TLR7: variants seen among roughly 807,000 people sequenced by gnomAD.
TLR7 encodes the protein toll like receptor 7, also known as toll-like receptor 7.
In TLR7, 12 loss-of-function variants were observed where a neutral mutation model predicts 38.3. The observed-to-expected ratio is 0.31, with a 90% CI of 0.20 to 0.51. TLR7 has a LOEUF of 0.51. TLR7 is among the 20% of genes least tolerant of loss of function. TLR7 has a pLI of 0.98. For missense variants in TLR7, 504 were observed against 743.4 expected (o/e 0.68, Z 3.74); for synonymous variants, 285 against 293.8 (o/e 0.97, Z 0.31).
chrX:12,886,634 C>T lies in TLR7; in HGVS notation c.1126C>T (p.Arg376Trp), dbSNP rs748708984. 4.1e-6 allele frequency: 5 copies of T among 1,210,194 alleles called. No homozygotes were observed. Among genetic ancestry groups the T allele is most frequent in the Admixed American group, 4.4e-5 (2 of 45,763 alleles). ...FSSLKSLKILRIRGYVFKELK... is the reference protein window; with the variant it reads ...FSSLKSLKILWIRGYVFKELK... ...TTCACTGAAAAGCCTGAAAATTCTG[C>T]GGATCAGAGGATATGTCTTTAAAGA... Residue 376 changes from arginine (R) to tryptophan (W), a missense_variant, in exon 3 of 3, where the codon CGG becomes TGG. Arg to Trp is a moderately radical substitution (Grantham distance 101). Coordinates refer to ENST00000380659, the MANE Select transcript of TLR7 (RefSeq NM_016562.4).
At position 12,886,153 on chromosome X, in the gene TLR7, T is replaced by C. The variant is rs766268418; in HGVS notation, c.645T>C (p.Asn215=). 6.6e-6 allele frequency: 8 copies of C among 1,211,784 alleles called. No homozygotes were observed. The South Asian group carries it at 1.1e-4, about 16-fold the overall frequency. ...KLKVLSLKDN[N]VTAVPTVLPS... The stretch of plus-strand genomic sequence containing the variant: ...AAGTGCTCTCCCTGAAAGATAACAA[T>C]GTCACAGCCGTCCCTACTGTTTTGC... Residue 215 remains asparagine (N), a synonymous_variant, in exon 3 of 3, where the codon AAT becomes AAC. Coordinates refer to ENST00000380659, the MANE Select transcript of TLR7 (RefSeq NM_016562.4).
rs954429195 is a variant in TLR7 at position 12,889,932 on chromosome X, T to G, written c.*1274T>G. ...TGCCAATTATATGGATTCCTTTCAT[T>G]TTTTGCTGGAGGATGGGAGAAGAAA... On this transcript the variant is annotated 3_prime_UTR_variant, in exon 3 of 3. Transcript: ENST00000380659. 4 of 112,626 alleles carry G rather than the reference T, an allele frequency of 3.6e-5. No individual in the cohort carries two copies. The highest frequency in any genetic ancestry group is 1.3e-4 in the African/African-American group (4 of 30,969). 9.3% of individuals were successfully genotyped at this position (112,626 alleles called of 1,213,427 possible). A position where few individuals can be genotyped will look rare whatever the true frequency, so the allele number is the denominator to read the frequency against.
At chrX:12,867,227 CA>C in intron 1 of TLR7, 104 bp downstream of exon 1, 1 of 163,620 alleles carries the variant, frequency 6.1e-6, no homozygotes, top group Non-Finnish European at 1.2e-5. Flanking sequence ...ATCATATGCA[CA>C]AAAATTTTTT....
intron 2 of TLR7, chrX:12,877,388 G>C (rs1220298899): frequency 9.9e-6 from 1 of 101,449 alleles, no homozygotes; most frequent in African/African-American, 3.7e-5. Context: ...CTAATAAATA[G>C]TGAGTTCATT....
At position 12,887,056 on chromosome X, in the gene TLR7, T is replaced by G. The variant is rs1220824754; in HGVS notation, c.1548T>G (p.Leu516=). 8.3e-7 allele frequency: 1 copy of G among 1,211,167 alleles called. No homozygotes were observed. Among genetic ancestry groups the G allele is most frequent in the Non-Finnish European group, 1.1e-6 (1 of 895,276 alleles). The part of the protein sequence containing the change: ...FFVKSSDFQH[L]SFLKCLNLSG... ...TCAAGTCCTCTGATTTTCAGCATCT[T>G]TCTTTCCTCAAATGCCTGAATCTGT... Residue 516 remains leucine (L), a synonymous_variant, in exon 3 of 3, where the codon CTT becomes CTG. Coordinates refer to ENST00000380659, the MANE Select transcript of TLR7 (RefSeq NM_016562.4).
intron 2 of TLR7, among the ~76,000 whole-genome samples, chrX:12,879,518 T>A (rs750880082): frequency 2.7e-5 from 3 of 111,965 alleles, no homozygotes; most frequent in African/African-American, 9.7e-5. Context: ...TAAGGAAGGA[T>A]CTGGATGCTC....
Position 12,887,531 on chromosome X carries a change from C to T in TLR7, c.2023C>T (p.Pro675Ser). 8.3e-7 allele frequency: 1 copy of T among 1,211,491 alleles called. No homozygotes were observed. The highest frequency in any genetic ancestry group is 1.1e-6 in the Non-Finnish European group (1 of 895,405). The change falls in exon 3 of 3, where the codon CCA becomes TCA. Residue 675 changes from proline (P) to serine (S), a missense_variant. Pro to Ser is a moderately conservative substitution (Grantham distance 74). Transcript: ENST00000380659. ...TTCTGGAGTTTTTGATGGTATGCCT[C>T]CAAATCTAAAGAATCTCTCTTTGGC... The part of the protein sequence containing the change: ...LPSGVFDGMP[P>S]NLKNLSLAKN...
In TLR7 at chrX:12,888,180, AT is replaced by A. The variant is rs2147246210; in HGVS notation, c.2673del (p.Tyr891Ter). 1 of 1,210,220 alleles carries A rather than the reference AT, an allele frequency of 8.3e-7. No individual in the cohort carries two copies. Among genetic ancestry groups the A allele is most frequent in the African/African-American group, 1.7e-5 (1 of 57,222 alleles). On this transcript the variant is annotated frameshift_variant, in exon 3 of 3. Transcript: ENST00000380659. LOFTEE classifies it high-confidence loss of function. ...CGTCTAATATCACCAGACTGTTGCT[AT>A]GATGCTTTTATTGTGTATGACACTA... is the stretch of plus-strand genomic sequence containing the variant. ...YQRLISPDCC[Y>X]DAFIVYDTKD...
intron 2 of TLR7, among the ~76,000 whole-genome samples, chrX:12,876,778 T>C (rs1477419848): frequency 8.9e-6 from 1 of 112,297 alleles, no homozygotes; most frequent in Non-Finnish European, 1.9e-5. Flanking sequence ...ATAATTAGTT[T>C]GCTAATTGAG....
chrX:12,880,986 G>A (rs1190915858), intron 2 of TLR7, among the ~76,000 whole-genome samples: 1 of 110,267 alleles, frequency 9.1e-6, no homozygotes, highest in Non-Finnish European at 1.9e-5. Flanking sequence ...CAGCACTTTG[G>A]GAGGCCGAGG....
chrX:12,884,005 G>C (rs1438355298), intron 2 of TLR7, among the ~76,000 whole-genome samples: 2 of 110,823 alleles, frequency 1.8e-5, no homozygotes, highest in Non-Finnish European at 3.8e-5. Flanking sequence ...TTTGAGACAG[G>C]GTCTTGCTCT....
At chrX:12,885,458 T>C in intron 2 of TLR7, 54 bp from the exon 3 acceptor site, 1 of 1,060,885 alleles carries the variant, frequency 9.4e-7, no homozygotes, top group African/African-American at 1.9e-5. Flanking sequence ...GAATTTTTAA[T>C]TCTGATTCTT....
At position 12,885,582 on chromosome X, in the gene TLR7, T is replaced by C. The variant is rs1354435927; in HGVS notation, c.74T>C (p.Leu25Pro). 2.5e-6 allele frequency: 3 copies of C among 1,211,287 alleles called. No individual in the cohort carries two copies. Among genetic ancestry groups the C allele is most frequent in the Admixed American group, 2.2e-5 (1 of 46,046 alleles). ...AACATAATCCTAATTTCCAAACTCC[T>C]TGGGGCTAGATGGTTTCCTAAAACT... ...LFNIILISKL[L>P]GARWFPKTLP... The change falls in exon 3 of 3, where the codon CTT becomes CCT. Residue 25 changes from leucine (L) to proline (P), a missense_variant. Coordinates refer to ENST00000380659, the MANE Select transcript of TLR7 (RefSeq NM_016562.4).
At position 12,885,064 on chromosome X, in the gene TLR7, C is replaced by T. The variant is rs144427682; in HGVS notation, c.4-448C>T. On this transcript the variant is annotated intron_variant, in intron 2 of 2. Transcript: ENST00000380659. ...CTTAGAATATTCTGAGACTCAAATACTATGAAAGACTCATGTAATGTGTAC... is the reference window on the plus strand; with the variant it reads ...CTTAGAATATTCTGAGACTCAAATATTATGAAAGACTCATGTAATGTGTAC... Among the ~76,000 whole-genome samples the T allele has an allele frequency of 3.9e-3, 438 of 112,529 alleles. 1 individual carries two copies. The highest frequency in any genetic ancestry group is 0.013 in the African/African-American group (413 of 31,001).
At chrX:12,874,244 G>A (rs951332423) in intron 2 of TLR7, among the ~76,000 whole-genome samples, 1 of 110,967 alleles carries the variant, frequency 9.0e-6, no homozygotes, top group Non-Finnish European at 1.9e-5. Flanking sequence ...CACTTGAACC[G>A]GGTAGGCAGA....
At chrX:12,879,277 C>G (rs1235226589) in intron 2 of TLR7, among the ~76,000 whole-genome samples, 1 of 111,987 alleles carries the variant, frequency 8.9e-6, no homozygotes, top group Non-Finnish European at 1.9e-5. Context: ...TTTCCAGCCT[C>G]TGATATCTGA....
intron 2 of TLR7, among the ~76,000 whole-genome samples, chrX:12,878,095 G>T (rs975965854): frequency 3.6e-5 from 4 of 112,001 alleles, no homozygotes; most frequent in Non-Finnish European, 7.5e-5. Flanking sequence ...TAGCAGAGTG[G>T]CTAAGAGTGC....
At chrX:12,879,214 T>G (rs2042883188) in intron 2 of TLR7, among the ~76,000 whole-genome samples, 1 of 111,773 alleles carries the variant, frequency 8.9e-6, no homozygotes, top group Admixed American at 9.5e-5. Flanking sequence ...CAAGATAGCA[T>G]AGGTGACAGT....
rs766100837 is a variant in TLR7, at chrX:12,875,378, T to G, written c.3+7797T>G. ...GTCTAGCACAGTACCTTGCACAGAG[T>G]AGATTCTCAATAATGTTTGTTGAAT... On this transcript the variant is annotated intron_variant, in intron 2 of 2. Transcript: ENST00000380659. Among the ~76,000 whole-genome samples, 11 of 111,991 alleles carry G rather than the reference T, an allele frequency of 9.8e-5. No homozygotes were observed. In the South Asian group the frequency reaches 4.1e-3, roughly 42 times the overall value.
Sources: allele counts gnomAD v4.1 joint callset (sites outside exome capture counted in the v4.1 genomes callset), GRCh38; gene constraint gnomAD v4.1.1; transcripts MANE v1.5; gene names NCBI Gene and HGNC (gene_info 2026-07-23, HGNC 2026-07-21).